The following HCRTR2 variants were observed in gnomAD, a reference collection of about 807,000 sequenced individuals.
HCRTR2 encodes the protein orexin receptor type 2.
Under a neutral mutation model 49.0 loss-of-function variants are expected in HCRTR2, and 22 were observed. That is an observed-to-expected ratio of 0.45 (90% confidence interval 0.32 to 0.64). HCRTR2 has a LOEUF of 0.64. Among genes scored for constraint, HCRTR2 ranks in the 30% least tolerant of loss-of-function variants. The pLI, the probability that HCRTR2 is intolerant of heterozygous loss-of-function variation, is 0.04. For missense variants in HCRTR2, 491 were observed against 559.4 expected (o/e 0.88, Z 1.23); for synonymous variants, 236 against 205.3 (o/e 1.15, Z -1.28).
chr6:55,271,342 A>G (rs1452800843), intron 4 of HCRTR2, among the ~76,000 whole-genome samples: 1 of 152,140 alleles, frequency 6.6e-6, no homozygotes, highest in African/African-American at 2.4e-5. Context: ...TATATCCACA[A>G]GCAAAAGGAT....
intron 4 of HCRTR2, among the ~76,000 whole-genome samples, chr6:55,273,529 C>T (rs1431579322): frequency 3.3e-5 from 5 of 152,184 alleles, no homozygotes; most frequent in East Asian, 1.9e-4. Flanking sequence ...TCTCACTAAC[C>T]GCCACCTCCA....
intron 1 of HCRTR2, among the ~76,000 whole-genome samples, chr6:55,232,577 A>G (rs1766135995): frequency 6.6e-6 from 1 of 152,242 alleles, no homozygotes; most frequent in South Asian, 2.1e-4. Context: ...AATACAGATT[A>G]ACTTTTCAGC....
chr6:55,191,766 A>C (rs917189340), intron 1 of HCRTR2, among the ~76,000 whole-genome samples: 3 of 145,480 alleles, frequency 2.1e-5, no homozygotes, highest in African/African-American at 5.1e-5. Flanking sequence ...CTAAGAGTTT[A>C]GAAATGCATT....
chr6:55,251,955 A>T (rs1190885752), intron 2 of HCRTR2, among the ~76,000 whole-genome samples: 1 of 152,138 alleles, frequency 6.6e-6, no homozygotes, highest in Admixed American at 6.6e-5. Flanking sequence ...TAATATCAGA[A>T]TCCAAATGAA....
chr6:55,211,086 G>C (rs566965174), intron 1 of HCRTR2, among the ~76,000 whole-genome samples: 9 of 152,210 alleles, frequency 5.9e-5, no homozygotes, highest in Non-Finnish European at 1.5e-5. Flanking sequence ...CAGGTTTATA[G>C]CCTAGGAGCA....
chr6:55,202,683 C>T (rs930820628), intron 1 of HCRTR2, among the ~76,000 whole-genome samples: 4 of 152,114 alleles, frequency 2.6e-5, no homozygotes, highest in African/African-American at 9.7e-5. Flanking sequence ...TTCATGAAGG[C>T]TCTGCTCTCA....
At chr6:55,195,737 C>T (rs1289013694) in intron 1 of HCRTR2, among the ~76,000 whole-genome samples, 6 of 151,948 alleles carry the variant, frequency 3.9e-5, no homozygotes, top group Non-Finnish European at 7.4e-5. Context: ...TTTGGGAGGT[C>T]GAGGTGGGCG....
intron 1 of HCRTR2, among the ~76,000 whole-genome samples, chr6:55,178,152 A>G (rs971565981): frequency 1.1e-4 from 17 of 152,122 alleles, no homozygotes; most frequent in Admixed American, 7.9e-4. Context: ...ACTGATGTTA[A>G]TTTTTACTCC....
chr6:55,145,261 C>T (rs1260241335), intron 1 of HCRTR2, among the ~76,000 whole-genome samples: 1 of 152,106 alleles, frequency 6.6e-6, no homozygotes, highest in Non-Finnish European at 1.5e-5. Context: ...CAAGGTATCC[C>T]TTTACAAAAC....
At chr6:55,195,533 A>G (rs986910274) in intron 1 of HCRTR2, among the ~76,000 whole-genome samples, 1 of 152,228 alleles carries the variant, frequency 6.6e-6, no homozygotes, top group East Asian at 1.9e-4. Context: ...GAGTGGCTAT[A>G]GTTAACAATA....
chr6:55,231,089 G>A (rs2127299924), intron 1 of HCRTR2, among the ~76,000 whole-genome samples: 1 of 152,056 alleles, frequency 6.6e-6, no homozygotes, highest in South Asian at 2.1e-4. Flanking sequence ...AAGATACACA[G>A]TTTTTCTAAA....
chr6:55,174,956 A>G, intron 1 of HCRTR2, 146 bp downstream of exon 1: 1 of 634,254 alleles, frequency 1.6e-6, no homozygotes, highest in Non-Finnish European at 2.8e-6. Flanking sequence ...TAAAATAATA[A>G]TAATAATAGA....
intron 1 of HCRTR2, among the ~76,000 whole-genome samples, chr6:55,243,258 T>G (rs1766369266): frequency 6.6e-6 from 1 of 152,212 alleles, no homozygotes; most frequent in African/African-American, 2.4e-5. Context: ...TTTGCCCTCA[T>G]TTGCTCAATT....
chr6:55,170,005 A>G (rs896512477), upstream of HCRTR2, among the ~76,000 whole-genome samples: 10 of 152,042 alleles, frequency 6.6e-5, no homozygotes, highest in Non-Finnish European at 1.3e-4. Flanking sequence ...AATCTGGGAC[A>G]GCCCATATAT....
chr6:55,222,253 T>C (rs1188401494), intron 1 of HCRTR2, among the ~76,000 whole-genome samples: 1 of 151,164 alleles, frequency 6.6e-6, no homozygotes, highest in Non-Finnish European at 1.5e-5. Flanking sequence ...CCACATGAGC[T>C]ATCATCTTAC....
intron 2 of HCRTR2, among the ~76,000 whole-genome samples, chr6:55,251,869 C>T (rs777564868): frequency 3.3e-5 from 5 of 152,030 alleles, no homozygotes; most frequent in Admixed American, 6.6e-5. Context: ...CATTATCTCA[C>T]TCCACTTCAT....
At chr6:55,117,783 C>CAAA (rs34425786) in intron 1 of HCRTR2, among the ~76,000 whole-genome samples, 19,899 of 77,846 alleles carry the variant, frequency 0.26, 2,399 homozygotes, top group Non-Finnish European at 0.28. Context: ...GATAAAGTCT[C>CAAA]AAAAAAAAAA....
chr6:55,200,307 T>G (rs1765491350), intron 1 of HCRTR2, among the ~76,000 whole-genome samples: 1 of 148,000 alleles, frequency 6.8e-6, no homozygotes, highest in Non-Finnish European at 1.5e-5. Flanking sequence ...CTCTGTCGCC[T>G]AGGCTGGAGT....
At chr6:55,156,778 G>T (rs1469526344) in intron 1 of HCRTR2, among the ~76,000 whole-genome samples, 1 of 151,666 alleles carries the variant, frequency 6.6e-6, no homozygotes, top group Non-Finnish European at 1.5e-5. Flanking sequence ...ATAAATAATA[G>T]TAATTAAAAA....
Sources: allele counts gnomAD v4.1 joint callset (sites outside exome capture counted in the v4.1 genomes callset), GRCh38; gene constraint gnomAD v4.1.1; transcripts MANE v1.5; gene names NCBI Gene and HGNC (gene_info 2026-07-23, HGNC 2026-07-21).